Variants in KCNQ5 observed in about 807,000 individuals in gnomAD.
KCNQ5 encodes potassium voltage-gated channel subfamily KQT member 5.
A neutral mutation model predicts 98.2 loss-of-function variants in KCNQ5; 30 were observed. The observed-to-expected ratio is 0.31, with a 90% CI of 0.23 to 0.41. The LOEUF (loss-of-function observed/expected upper bound fraction) is 0.41. Among genes scored for constraint, KCNQ5 ranks in the 10% least tolerant of loss-of-function variants. The pLI is 1.00. For synonymous variants in KCNQ5, 458 were observed against 449.4 expected, an observed-to-expected ratio of 1.02 and a Z score of -0.24; for missense variants, 835 against 1,182.5, an observed-to-expected ratio of 0.71 and a Z score of 4.31.
intron 1 of KCNQ5, among the ~76,000 whole-genome samples, chr6:72,871,445 T>C (rs147236869): frequency 1.3e-3 from 194 of 152,318 alleles, no homozygotes; most frequent in African/African-American, 4.5e-3. Flanking sequence ...TGTGATGATA[T>C]GGCTGCCAAC....
chr6:73,073,551 T>C (rs538239638), intron 3 of KCNQ5, among the ~76,000 whole-genome samples: 104 of 152,338 alleles, frequency 6.8e-4, no homozygotes, highest in Admixed American at 2.7e-3. Flanking sequence ...TTCGGAATCA[T>C]TGATGTATAT....
intron 1 of KCNQ5, among the ~76,000 whole-genome samples, chr6:72,800,342 G>A (rs983926297): frequency 6.6e-6 from 1 of 152,106 alleles, no homozygotes; most frequent in African/African-American, 2.4e-5. Context: ...TTTCTTCCTG[G>A]TTTAGTCTTG....
rs144880502 is a variant in KCNQ5 at position 72,899,931 on chromosome 6, T to C, written c.399-103977T>C. 5.3e-3 allele frequency among the ~76,000 whole-genome samples: 804 copies of C among 152,110 alleles called. 11 individuals are homozygous for C. Among genetic ancestry groups the C allele is most frequent in the Admixed American group, 0.02 (305 of 15,282 alleles). ...CATGATCTCAGCTCACTGCAACCTCTGCCTCCCAGGTTCAAGTGATTCTCC... is the reference window on the plus strand; with the variant it reads ...CATGATCTCAGCTCACTGCAACCTCCGCCTCCCAGGTTCAAGTGATTCTCC... On this transcript the variant is annotated intron_variant, in intron 1 of 13. Coordinates refer to ENST00000370398, the MANE Select transcript of KCNQ5 (RefSeq NM_019842.4).
chr6:72,764,092 C>T (rs567139030), intron 1 of KCNQ5, among the ~76,000 whole-genome samples: 1 of 151,844 alleles, frequency 6.6e-6, no homozygotes, highest in East Asian at 1.9e-4. Flanking sequence ...ATCTACATAG[C>T]CAAGTCACTA....
chr6:72,799,104 A>G (rs985042484), intron 1 of KCNQ5, among the ~76,000 whole-genome samples: 1 of 152,150 alleles, frequency 6.6e-6, no homozygotes, highest in Non-Finnish European at 1.5e-5. Context: ...GAGAGAAGAG[A>G]GACAGAGAGA....
Position 72,894,001 on chromosome 6 carries a change from A to C in KCNQ5, c.399-109907A>C, listed in dbSNP as rs73547829. Among the ~76,000 whole-genome samples the C allele has an allele frequency of 2.9e-3, 438 of 152,334 alleles. 2 individuals are homozygous for C. The highest frequency in any genetic ancestry group is 1.0e-2 in the African/African-American group (415 of 41,584). ...GTTGTGAACCACCCTCACTCCTAAAAGTATGATTAGAGTTTGTTTGTCCTA... is the reference window on the plus strand; with the variant it reads ...GTTGTGAACCACCCTCACTCCTAAACGTATGATTAGAGTTTGTTTGTCCTA... On this transcript the variant is annotated intron_variant, in intron 1 of 13. Coordinates refer to ENST00000370398, the MANE Select transcript of KCNQ5 (RefSeq NM_019842.4).
At chr6:72,917,573 AG>A (rs1387477329) in intron 1 of KCNQ5, among the ~76,000 whole-genome samples, 1 of 151,882 alleles carries the variant, frequency 6.6e-6, no homozygotes, top group South Asian at 2.1e-4. Context: ...CCCAGGTTCA[AG>A]CGATTCTCCT....
At position 72,634,733 on chromosome 6, in the gene KCNQ5, T is replaced by C. The variant is rs558489738; in HGVS notation, c.398+12146T>C. 2.4e-3 allele frequency among the ~76,000 whole-genome samples: 363 copies of C among 152,054 alleles called. 1 individual carries two copies. The highest frequency in any genetic ancestry group is 8.3e-3 in the African/African-American group (344 of 41,514). ...GGCTCCCGCCACCACGCCTGGCTAA[T>C]ATTTTTGTATTTTTAGTAGAGATGG... On this transcript the variant is annotated intron_variant, in intron 1 of 13. Coordinates refer to ENST00000370398, the MANE Select transcript of KCNQ5 (RefSeq NM_019842.4).
At chr6:72,743,159 G>C (rs1771215564) in intron 1 of KCNQ5, among the ~76,000 whole-genome samples, 1 of 152,062 alleles carries the variant, frequency 6.6e-6, no homozygotes, top group Admixed American at 6.5e-5. Flanking sequence ...AGGTAATGTA[G>C]CAGCAGCCAT....
In KCNQ5 at chr6:73,043,790, G is replaced by A. The variant is rs12213933; in HGVS notation, c.616+1728G>A. On this transcript the variant is annotated intron_variant, in intron 3 of 13. Transcript: ENST00000370398. Reference sequence around the variant, plus strand: ...GCCAATGTATCTCTGGCCTCCATGCGAAAAAGAAAGCTTTTTCCCAGATGT... The same window carrying A: ...GCCAATGTATCTCTGGCCTCCATGCAAAAAAGAAAGCTTTTTCCCAGATGT... Among the ~76,000 whole-genome samples, 1,341 of 152,198 alleles carry A rather than the reference G, an allele frequency of 8.8e-3. 9 individuals are homozygous for A. The highest frequency in any genetic ancestry group is 0.047 in the East Asian group (243 of 5,174).
At chr6:72,889,472 C>G (rs1778976818) in intron 1 of KCNQ5, among the ~76,000 whole-genome samples, 1 of 152,168 alleles carries the variant, frequency 6.6e-6, no homozygotes, top group East Asian at 1.9e-4. Context: ...TTCCACCCTC[C>G]TTTCTTGCCA....
chr6:72,975,796 G>T (rs752431506), intron 1 of KCNQ5, among the ~76,000 whole-genome samples: 8 of 152,154 alleles, frequency 5.3e-5, no homozygotes, highest in Non-Finnish European at 1.0e-4. Context: ...CGGCCCTGTA[G>T]CATAACCTGG....
At chr6:72,784,887 T>C (rs1425021410) in intron 1 of KCNQ5, among the ~76,000 whole-genome samples, 2 of 152,150 alleles carry the variant, frequency 1.3e-5, no homozygotes, top group Non-Finnish European at 2.9e-5. Context: ...AGAGAGAAAG[T>C]GATGGTAATG....
chr6:72,897,600 T>C (rs1237634418), intron 1 of KCNQ5, among the ~76,000 whole-genome samples: 1 of 152,184 alleles, frequency 6.6e-6, no homozygotes, highest in Admixed American at 6.5e-5. Flanking sequence ...TAACTTTTTC[T>C]TGGTTAACTA....
At chr6:73,017,734 A>ACAGG (rs1166768542) in intron 2 of KCNQ5, among the ~76,000 whole-genome samples, 1 of 152,204 alleles carries the variant, frequency 6.6e-6, no homozygotes, top group Non-Finnish European at 1.5e-5. Flanking sequence ...TGCAAGTGTT[A>ACAGG]CAGGCCCTCC....
At chr6:73,098,081 T>G (rs942904632) in intron 5 of KCNQ5, among the ~76,000 whole-genome samples, 10 of 151,640 alleles carry the variant, frequency 6.6e-5, no homozygotes, top group Admixed American at 5.9e-4. Flanking sequence ...TAAATTGAAA[T>G]AATTAAAAAG....
intron 1 of KCNQ5, among the ~76,000 whole-genome samples, chr6:72,658,241 C>T (rs1176906396): frequency 6.6e-6 from 1 of 151,934 alleles, no homozygotes; most frequent in Non-Finnish European, 1.5e-5. Flanking sequence ...TAGTTAATTA[C>T]TTCATTTTTG....
chr6:72,798,534 C>A (rs868052445), intron 1 of KCNQ5, among the ~76,000 whole-genome samples: 22 of 152,172 alleles, frequency 1.4e-4, no homozygotes, highest in African/African-American at 3.1e-4. Context: ...AGCAAGAAAG[C>A]ACTCACAAAA....
At chr6:72,830,366 G>T (rs535332890) in intron 1 of KCNQ5, among the ~76,000 whole-genome samples, 12 of 152,248 alleles carry the variant, frequency 7.9e-5, no homozygotes, top group African/African-American at 2.9e-4. Flanking sequence ...AAACAGCATG[G>T]TACTGGTACC....
Sources: gnomAD v4.1 joint callset for allele counts (sites outside exome capture counted in the v4.1 genomes callset) on GRCh38, gnomAD v4.1.1 for gene constraint, MANE v1.5 for transcripts, NCBI Gene and HGNC (gene_info 2026-07-23, HGNC 2026-07-21) for gene names.